GABRA3: variants seen among roughly 807,000 people sequenced by gnomAD.
The protein encoded by GABRA3 is gamma-aminobutyric acid type A receptor subunit alpha3, also known as gamma-aminobutyric acid receptor subunit alpha-3.
A neutral mutation model predicts 30.1 loss-of-function variants in GABRA3; 10 were observed. That is an observed-to-expected ratio of 0.33 (90% CI 0.20 to 0.56). The LOEUF (loss-of-function observed/expected upper bound fraction) is 0.56, where lower values mean the gene tolerates loss of function less well. GABRA3 is among the 20% of genes least tolerant of loss of function. The pLI is 0.89. For synonymous variants in GABRA3, 151 were observed against 146.8 expected (o/e 1.03, Z -0.21); for missense variants, 233 against 392.0 (o/e 0.59, Z 3.42).
At chrX:152,212,304 AAAAAAAAAAAAAAAAAAAAAAAAAAAAT>A (rs1170630618) in intron 6 of GABRA3, among the ~76,000 whole-genome samples, 1,630 of 76,522 alleles carry the variant, frequency 0.021, 111 homozygotes, top group African/African-American at 0.074. Context: ...AAAAAAAAAA[AAAAAAAAAAAAAAAAAAAAAAAAAAAAT>A]TCCAAATTGC....
intron 3 of GABRA3, among the ~76,000 whole-genome samples, chrX:152,323,140 T>C (rs1208952257): frequency 9.0e-6 from 1 of 111,229 alleles, no homozygotes; most frequent in Non-Finnish European, 1.9e-5. Context: ...CGTGAGCCAA[T>C]GCACCCAGCC....
At chrX:152,221,015 A>T (rs1471771157) in intron 6 of GABRA3, among the ~76,000 whole-genome samples, 1 of 110,708 alleles carries the variant, frequency 9.0e-6, no homozygotes, top group Non-Finnish European at 1.9e-5. Context: ...TTTGTTAGGC[A>T]TATGCAATGC....
chrX:152,369,682 C>T (rs1043324463), intron 1 of GABRA3, among the ~76,000 whole-genome samples: 1 of 111,597 alleles, frequency 9.0e-6, no homozygotes, highest in African/African-American at 3.3e-5. Flanking sequence ...GCCTTCCACA[C>T]ATTCCTCATA....
intron 3 of GABRA3, among the ~76,000 whole-genome samples, chrX:152,298,329 C>G: frequency 9.1e-6 from 1 of 110,284 alleles, no homozygotes; most frequent in Non-Finnish European, 1.9e-5. Flanking sequence ...CACCCATTAA[C>G]TCGTCATTTA....
intron 1 of GABRA3, among the ~76,000 whole-genome samples, chrX:152,384,781 C>T (rs1241009460): frequency 8.9e-6 from 1 of 111,809 alleles, no homozygotes; most frequent in East Asian, 2.8e-4. Context: ...GATCTCTGTT[C>T]ATTAAAAGAT....
At chrX:152,176,851 G>A (rs1937081485) in intron 9 of GABRA3, among the ~76,000 whole-genome samples, 1 of 111,488 alleles carries the variant, frequency 9.0e-6, no homozygotes, top group Non-Finnish European at 1.9e-5. Context: ...GAGGTCGCTT[G>A]AGAAGTGAGT....
chrX:152,210,135 TAATA>T (rs1238114779), intron 6 of GABRA3, among the ~76,000 whole-genome samples: 4 of 112,406 alleles, frequency 3.6e-5, no homozygotes, highest in African/African-American at 1.3e-4. Context: ...GTTTTTTAAT[TAATA>T]TTTTCATTGT....
intron 6 of GABRA3, among the ~76,000 whole-genome samples, chrX:152,215,417 T>G (rs1397085824): frequency 9.0e-6 from 1 of 111,174 alleles, no homozygotes; most frequent in Non-Finnish European, 1.9e-5. Flanking sequence ...ATGACCGTGT[T>G]TTTTGTCCTT....
chrX:152,361,636 G>T (rs539708396), intron 2 of GABRA3, among the ~76,000 whole-genome samples: 13 of 101,916 alleles, frequency 1.3e-4, no homozygotes, highest in Admixed American at 3.2e-4. Flanking sequence ...ATTTTTTGTG[G>T]TTTTTTTTTT....
chrX:152,360,739 TA>T (rs200599146), intron 2 of GABRA3, among the ~76,000 whole-genome samples: 4,342 of 55,626 alleles, frequency 0.078, 202 homozygotes, highest in African/African-American at 0.21. Context: ...AAAAAAAAAT[TA>T]AAAAAAAAAA....
chrX:152,284,561 A>T (rs1239515354), intron 4 of GABRA3, 107 bp downstream of exon 4: 2 of 504,065 alleles, frequency 4.0e-6, no homozygotes, highest in African/African-American at 4.8e-5. Context: ...ATATGAGAAA[A>T]GACCACTCCT....
chrX:152,445,771 C>A (rs1163213452), intron 1 of GABRA3, among the ~76,000 whole-genome samples: 1 of 111,523 alleles, frequency 9.0e-6, no homozygotes, highest in Non-Finnish European at 1.9e-5. Context: ...AACCTCCCCC[C>A]ACCGTATTTT....
At position 152,239,909 on chromosome X, in the gene GABRA3, G is replaced by C. The variant is rs7884847; in HGVS notation, c.552-15064C>G. 2.0e-3 allele frequency among the ~76,000 whole-genome samples: 189 copies of C among 96,395 alleles called. 2 individuals are homozygous for C. The highest frequency in any genetic ancestry group is 7.1e-3 in the African/African-American group (147 of 20,754). The allele number at this position is 96,395 out of a possible 115,157, so 83.7% of individuals were successfully genotyped here. A position where few individuals can be genotyped will look rare whatever the true frequency, so the allele number is the denominator to read the frequency against. On this transcript the variant is annotated intron_variant, in intron 5 of 9. Coordinates refer to ENST00000370314, the MANE Select transcript of GABRA3 (RefSeq NM_000808.4). ...GTGTCTCTGCACGTGAGATGGGTTT[G>C]CTGAATACAGCACACTGATGGGTCT...
chrX:152,393,393 G>A (rs760235817), intron 1 of GABRA3: 5 of 365,163 alleles, frequency 1.4e-5, no homozygotes, highest in South Asian at 5.3e-5. Flanking sequence ...TCATATACAC[G>A]ATGCATAAAA....
chrX:152,399,075 T>G (rs1292449334), intron 1 of GABRA3, among the ~76,000 whole-genome samples: 2 of 111,423 alleles, frequency 1.8e-5, no homozygotes, highest in Admixed American at 1.9e-4. Flanking sequence ...CTACTCTATC[T>G]AGTAAAGACT....
Position 152,364,353 on chromosome X carries a change from G to A in GABRA3, c.140+78C>T, listed in dbSNP as rs1166735900. ...GACCAGAGTACTTGGGTTCATCTGG[G>A]GGAAAACATCAGAAGTTTTGGTCTG... On this transcript the variant is annotated intron_variant, in intron 2 of 9. Transcript: ENST00000370314. The A allele has an allele frequency of 1.2e-5, 12 of 1,012,143 alleles. No individual in the cohort carries two copies. In the East Asian group the frequency reaches 2.2e-4, roughly 18 times the overall value. The allele number at this position is 1,012,143 out of a possible 1,213,427, so 83.4% of individuals were successfully genotyped here.
intron 1 of GABRA3, among the ~76,000 whole-genome samples, chrX:152,393,186 T>C (rs1244716197): frequency 8.9e-6 from 1 of 112,130 alleles, no homozygotes; most frequent in East Asian, 2.8e-4. Context: ...ACGGGTGAAG[T>C]TATGATATAT....
At chrX:152,195,467 T>A (rs2124352033) in intron 8 of GABRA3, among the ~76,000 whole-genome samples, 1 of 112,472 alleles carries the variant, frequency 8.9e-6, no homozygotes, top group African/African-American at 3.2e-5. Context: ...CTTCTTACAA[T>A]TCTTGATGCT....
chrX:152,365,707 A>G (rs1928640940), intron 1 of GABRA3, among the ~76,000 whole-genome samples: 1 of 111,516 alleles, frequency 9.0e-6, no homozygotes, highest in Non-Finnish European at 1.9e-5. Flanking sequence ...TGTAAAACAG[A>G]TACACATTAA....
Sources: gnomAD v4.1 joint callset for allele counts (sites outside exome capture counted in the v4.1 genomes callset) on GRCh38, gnomAD v4.1.1 for gene constraint, MANE v1.5 for transcripts, NCBI Gene and HGNC (gene_info 2026-07-23, HGNC 2026-07-21) for gene names.